The following NTM variants were observed in gnomAD, a reference collection of about 807,000 sequenced individuals.
The protein encoded by NTM is neurotrimin, also known as IgLON family member 2.
In NTM, 13 loss-of-function variants were observed where a neutral mutation model predicts 42.1. That is an observed-to-expected ratio of 0.31 (90% CI 0.20 to 0.49). The LOEUF is 0.49. NTM is among the 20% of genes least tolerant of loss of function. The pLI is 0.99. For synonymous variants in NTM, 187 were observed against 179.2 expected, an observed-to-expected ratio of 1.04 and a Z score of -0.35; for missense variants, 373 against 452.8, an observed-to-expected ratio of 0.82 and a Z score of 1.60.
At chr11:132,228,049 A>C (rs1340307835) in intron 4 of NTM, among the ~76,000 whole-genome samples, 1 of 152,220 alleles carries the variant, frequency 6.6e-6, no homozygotes, top group Non-Finnish European at 1.5e-5. Flanking sequence ...ATGCCACAGC[A>C]GGAATCAAGT....
intron 1 of NTM, among the ~76,000 whole-genome samples, chr11:131,812,397 G>C (rs1422060859): frequency 1.3e-5 from 2 of 152,122 alleles, no homozygotes; most frequent in Non-Finnish European, 2.9e-5. Context: ...ATAGACCCTA[G>C]GACCTGAATT....
intron 2 of NTM, among the ~76,000 whole-genome samples, chr11:132,046,696 T>C (rs2135860034): frequency 6.6e-6 from 1 of 152,266 alleles, no homozygotes; most frequent in East Asian, 1.9e-4. Context: ...GTGCCTCATG[T>C]CTTCCTGGGC....
intron 2 of NTM, among the ~76,000 whole-genome samples, chr11:131,950,549 C>G (rs1323518827): frequency 6.6e-6 from 1 of 152,160 alleles, no homozygotes; most frequent in Non-Finnish European, 1.5e-5. Context: ...CGTTTAGGTC[C>G]TACATAAGCT....
intron 1 of NTM, chr11:131,546,852 G>C (rs2054012358): frequency 6.6e-6 from 1 of 152,300 alleles, no homozygotes; most frequent in Admixed American, 6.5e-5. Flanking sequence ...TTCTCAAACT[G>C]TACCTTTTGT....
At position 132,108,801 on chromosome 11, in the gene NTM, C is replaced by T. The variant is rs981618993; in HGVS notation, c.168-37481C>T. 3.9e-5 allele frequency among the ~76,000 whole-genome samples: 6 copies of T among 152,178 alleles called. No individual in the cohort carries two copies. The East Asian group carries it at 1.2e-3, about 29-fold the overall frequency. On this transcript the variant is annotated intron_variant, in intron 2 of 8. Coordinates refer to ENST00000683400, the MANE Select transcript of NTM (RefSeq NM_001352005.2). ...ACATGTGCCATTGTGGTTTGCTGCA[C>T]CCATCAACTCATCATCTACGTTAGA... is the stretch of plus-strand genomic sequence containing the variant.
chr11:131,789,054 A>G (rs144398170), intron 1 of NTM, among the ~76,000 whole-genome samples: 4 of 151,648 alleles, frequency 2.6e-5, no homozygotes, highest in African/African-American at 9.7e-5. Flanking sequence ...ATGAGTGTCG[A>G]CTCTCGAAAT....
intron 1 of NTM, among the ~76,000 whole-genome samples, chr11:131,497,491 G>A (rs556111269): frequency 6.9e-6 from 1 of 144,456 alleles, no homozygotes; most frequent in African/African-American, 2.6e-5. Flanking sequence ...CTAGCCCATA[G>A]GTTACTATTT....
At chr11:131,505,189 C>A (rs568885167) in intron 1 of NTM, among the ~76,000 whole-genome samples, 25 of 147,352 alleles carry the variant, frequency 1.7e-4, no homozygotes, top group African/African-American at 6.2e-4. Flanking sequence ...GATGATGTCT[C>A]TGTGAAGCTC....
chr11:132,321,069 A>G (rs931730022), intron 7 of NTM, among the ~76,000 whole-genome samples: 1 of 151,956 alleles, frequency 6.6e-6, no homozygotes, highest in Non-Finnish European at 1.5e-5. Flanking sequence ...AACCACAAAG[A>G]TGGGGAAAAA....
intron 3 of NTM, among the ~76,000 whole-genome samples, chr11:132,186,534 T>C (rs1427208928): frequency 6.6e-6 from 1 of 152,222 alleles, no homozygotes; most frequent in Admixed American, 6.5e-5. Context: ...CATCTTATCA[T>C]CCACGTGGCC....
chr11:131,449,121 A>C (rs115972267), intron 1 of NTM, among the ~76,000 whole-genome samples: 3,842 of 152,256 alleles, frequency 0.025, 168 homozygotes, highest in African/African-American at 0.088. Flanking sequence ...CTGAGCTATA[A>C]ATTGGCTCAG....
At chr11:131,558,297 C>T (rs2055731946) in intron 1 of NTM, among the ~76,000 whole-genome samples, 2 of 152,300 alleles carry the variant, frequency 1.3e-5, no homozygotes, top group Non-Finnish European at 2.9e-5. Flanking sequence ...TCATACCTGA[C>T]ACACTCATTC....
intron 1 of NTM, among the ~76,000 whole-genome samples, chr11:131,451,752 G>A (rs528771905): frequency 6.6e-6 from 1 of 152,234 alleles, no homozygotes; most frequent in East Asian, 1.9e-4. Flanking sequence ...GCTGGTGTGT[G>A]ATCTGGAGAC....
chr11:132,207,062 T>C (rs1221541944), intron 3 of NTM, among the ~76,000 whole-genome samples: 1 of 152,158 alleles, frequency 6.6e-6, no homozygotes, highest in Non-Finnish European at 1.5e-5. Flanking sequence ...CAGTAGGTGT[T>C]CACAAAATGT....
At chr11:131,915,145 G>A (rs529441581) in intron 2 of NTM, among the ~76,000 whole-genome samples, 25 of 152,234 alleles carry the variant, frequency 1.6e-4, no homozygotes, top group Admixed American at 1.2e-3. Context: ...AATTATTCCC[G>A]GTTAAGGCCT....
chr11:132,189,239 A>G (rs1307857562), intron 3 of NTM, among the ~76,000 whole-genome samples: 1 of 152,184 alleles, frequency 6.6e-6, no homozygotes, highest in Non-Finnish European at 1.5e-5. Flanking sequence ...TAGATCATGA[A>G]AAATACAGCC....
At position 131,543,294 on chromosome 11, in the gene NTM, A is replaced by G. The variant is rs7129974; in HGVS notation, c.82+172406A>G. Among the ~76,000 whole-genome samples, 1,185 of 152,248 alleles carry G rather than the reference A, an allele frequency of 7.8e-3. 12 individuals are homozygous for G. Among genetic ancestry groups the G allele is most frequent in the African/African-American group, 0.026 (1,090 of 41,540 alleles). On this transcript the variant is annotated intron_variant, in intron 1 of 8. Coordinates refer to ENST00000683400, the MANE Select transcript of NTM (RefSeq NM_001352005.2). ...AGTGGCAGTCTCCTCTCTGAAGGCT[A>G]CTCTTTTAGACAGGAAATACGCAGG... is the stretch of plus-strand genomic sequence containing the variant.
intron 1 of NTM, among the ~76,000 whole-genome samples, chr11:131,803,244 G>C (rs928500119): frequency 1.3e-5 from 2 of 151,788 alleles, no homozygotes; most frequent in Admixed American, 6.6e-5. Context: ...TTTGCCACCT[G>C]TTTCCTTCCC....
At chr11:132,283,150 C>A (rs2139869564) in intron 4 of NTM, among the ~76,000 whole-genome samples, 1 of 151,750 alleles carries the variant, frequency 6.6e-6, no homozygotes, top group African/African-American at 2.4e-5. Flanking sequence ...CCATGCCCAC[C>A]TAATTTTTGT....
Sources: gnomAD v4.1 joint callset for allele counts (sites outside exome capture counted in the v4.1 genomes callset) on GRCh38, gnomAD v4.1.1 for gene constraint, MANE v1.5 for transcripts, NCBI Gene and HGNC (gene_info 2026-07-23, HGNC 2026-07-21) for gene names.